Variants in ARHGAP31 observed in about 807,000 individuals in gnomAD.
The protein encoded by ARHGAP31 is rho GTPase-activating protein 31.
A neutral mutation model predicts 113.9 loss-of-function variants in ARHGAP31; 34 were observed. That is an observed-to-expected ratio of 0.30 (90% CI 0.23 to 0.40). The LOEUF (loss-of-function observed/expected upper bound fraction) is 0.40. Ranked by LOEUF, ARHGAP31 falls within the 10% of genes least tolerant of loss-of-function variation. The pLI is 1.00. For missense variants in ARHGAP31, 1,548 were observed against 1,767.1 expected (o/e 0.88, Z 2.22); for synonymous variants, 650 against 684.8 (o/e 0.95, Z 0.79).
chr3:119,399,121 T>A, intron 8 of ARHGAP31, 78 bp from the exon 9 acceptor site: 1 of 1,368,650 alleles, frequency 7.3e-7, no homozygotes, highest in East Asian at 2.3e-5. Flanking sequence ...TCTTGGGTAC[T>A]TAAACAGCCT....
Position 119,294,682 on chromosome 3 carries a change from C to T in ARHGAP31, c.-223C>T. 1 of 590,542 alleles carries T rather than the reference C, an allele frequency of 1.7e-6. No homozygotes were observed. The highest frequency in any genetic ancestry group is 2.0e-5 in the South Asian group (1 of 49,210). The allele number at this position is 590,542 out of a possible 1,614,324, so 36.6% of individuals were successfully genotyped here. ...GCCCGCGGCTGCCAGTCTGCACGGC[C>T]TCGGCACGGCGGCCCCGGAGCGGCG... On this transcript the variant is annotated 5_prime_UTR_variant, in exon 1 of 12. Transcript: ENST00000264245.
At chr3:119,362,306 G>A (rs2080214687) in intron 1 of ARHGAP31, among the ~76,000 whole-genome samples, 2 of 152,188 alleles carry the variant, frequency 1.3e-5, no homozygotes, top group Admixed American at 1.3e-4. Flanking sequence ...ACACCCTGAG[G>A]GCCAAGCACA....
At chr3:119,365,103 C>CA (rs2080242385) in intron 1 of ARHGAP31, among the ~76,000 whole-genome samples, 1 of 151,442 alleles carries the variant, frequency 6.6e-6, no homozygotes, top group African/African-American at 2.4e-5. Flanking sequence ...CAAAACAAAA[C>CA]AAAAAAACAA....
At chr3:119,381,432 A>G (rs540935497) in intron 4 of ARHGAP31, among the ~76,000 whole-genome samples, 2 of 152,096 alleles carry the variant, frequency 1.3e-5, no homozygotes, top group South Asian at 4.1e-4. Flanking sequence ...TCATTCTCAC[A>G]GTTTAGCCCC....
intron 1 of ARHGAP31, among the ~76,000 whole-genome samples, chr3:119,335,910 A>C (rs2079942027): frequency 6.6e-6 from 1 of 152,186 alleles, no homozygotes; most frequent in African/African-American, 2.4e-5. Flanking sequence ...CGGTAGCTCA[A>C]GCCTGTAATC....
At chr3:119,383,369 C>T in intron 6 of ARHGAP31, 143 bp downstream of exon 6, 3 of 1,097,872 alleles carry the variant, frequency 2.7e-6, no homozygotes, top group Non-Finnish European at 4.1e-6. Flanking sequence ...GTGTCAGTGT[C>T]TGAGGATCGT....
Position 119,295,002 on chromosome 3 carries a change from A to G in ARHGAP31, c.98A>G (p.Asp33Gly). The change falls in exon 1 of 12, where the codon GAT becomes GGT. Residue 33 changes from aspartate (D) to glycine (G), a missense_variant and splice_region_variant. Physicochemically the swap from Asp to Gly is moderately conservative, Grantham distance 94 (BLOSUM62 -1). Coordinates refer to ENST00000264245, the MANE Select transcript of ARHGAP31 (RefSeq NM_020754.4). ...GAGTATCTGGAAAGCTCGGGACAGG[A>G]TGGTAATGTGCCTTGGCCTTTCTCC... ...LTEYLESSGQ[D>G]VPYVLKSCAE... The G allele has an allele frequency of 6.2e-7, 1 of 1,614,070 alleles. No homozygotes were observed. Among genetic ancestry groups the G allele is most frequent in the Non-Finnish European group, 8.5e-7 (1 of 1,179,986 alleles).
chr3:119,336,332 T>G (rs1184467256), intron 1 of ARHGAP31, among the ~76,000 whole-genome samples: 1 of 152,214 alleles, frequency 6.6e-6, no homozygotes, highest in African/African-American at 2.4e-5. Flanking sequence ...AAGTCCCAAA[T>G]TAGACTTTTC....
intron 3 of ARHGAP31, among the ~76,000 whole-genome samples, chr3:119,378,148 C>T (rs1228667340): frequency 6.6e-6 from 1 of 152,196 alleles, no homozygotes; most frequent in Non-Finnish European, 1.5e-5. Flanking sequence ...CATTAGCCAT[C>T]TTGGCCTGGC....
intron 3 of ARHGAP31, among the ~76,000 whole-genome samples, chr3:119,376,096 A>G (rs1253176442): frequency 1.4e-5 from 2 of 147,966 alleles, no homozygotes; most frequent in Non-Finnish European, 3.0e-5. Context: ...TATTTTATTT[A>G]TTGTTGTGTT....
At chr3:119,305,402 A>G (rs2079622991) in intron 1 of ARHGAP31, among the ~76,000 whole-genome samples, 1 of 152,222 alleles carries the variant, frequency 6.6e-6, no homozygotes, top group South Asian at 2.1e-4. Flanking sequence ...TGTTACCATA[A>G]GTAGCCCCTT....
rs373025101 is a variant in ARHGAP31, at chr3:119,382,092, G to A, written c.432-200G>A. ...GTCCTCTGCTTACATCTGACAAAAT[G>A]GACCCCCTTCCCCACCCTGAGTCAA... On this transcript the variant is annotated intron_variant, in intron 4 of 11. Transcript: ENST00000264245. Among the ~76,000 whole-genome samples, 136 of 151,646 alleles carry A rather than the reference G, an allele frequency of 9.0e-4. 3 individuals are homozygous for A. The South Asian group carries it at 0.014, about 16-fold the overall frequency.
rs757553843 is a variant in ARHGAP31, at chr3:119,415,448, A to G, written c.3519A>G (p.Thr1173=). The part of the protein sequence containing the change: ...QDLDIVAHAL[T]GRRNSAPVSV... ...TGGACATTGTTGCTCATGCACTGAC[A>G]GGCCGCCGTAACTCAGCTCCTGTGA... is the stretch of plus-strand genomic sequence containing the variant. Residue 1173 remains threonine, a synonymous_variant, in exon 12 of 12, where the codon ACA becomes ACG. Transcript: ENST00000264245. The G allele has an allele frequency of 8.7e-6, 14 of 1,613,952 alleles. No homozygotes were observed. The African/African-American group carries it at 1.5e-4, about 17-fold the overall frequency.
rs763998234 is a variant in ARHGAP31 at position 119,414,355 on chromosome 3, C to T, written c.2426C>T (p.Ser809Leu). Residue 809 changes from serine (S) to leucine (L), a missense_variant, in exon 12 of 12, where the codon TCA becomes TTA. Ser to Leu is a moderately radical substitution (Grantham distance 145). Transcript: ENST00000264245. The part of the protein sequence containing the change: ...LSKGGPERED[S>L]SRKLRTDLYI... ...AAGGGCGGCCCGGAAAGAGAAGACT[C>T]ATCCAGGAAATTGAGGACAGATCTC... 7 of 1,614,172 alleles carry T rather than the reference C, an allele frequency of 4.3e-6. No individual in the cohort carries two copies. The East Asian group carries it at 1.3e-4, about 31-fold the overall frequency.
At chr3:119,354,287 C>A (rs1331281163) in intron 1 of ARHGAP31, among the ~76,000 whole-genome samples, 1 of 152,174 alleles carries the variant, frequency 6.6e-6, no homozygotes, top group Non-Finnish European at 1.5e-5. Context: ...ATTTCAGAAG[C>A]CCCTCCATCT....
chr3:119,402,285 A>G lies in ARHGAP31; in HGVS notation c.1533A>G (p.Thr511=), dbSNP rs77678258. Reference sequence around the variant, plus strand: ...GCACCAACAGCACGCCGTGCAGAACACCCCCGAAGGAGCTGCAGTCTCTTT... The same window carrying G: ...GCACCAACAGCACGCCGTGCAGAACGCCCCCGAAGGAGCTGCAGTCTCTTT... The part of the protein sequence containing the change: ...VISTNSTPCR[T]PPKELQSLSS... The change falls in exon 10 of 12, where the codon ACA becomes ACG. Residue 511 remains threonine (T), a synonymous_variant. Coordinates refer to ENST00000264245, the MANE Select transcript of ARHGAP31 (RefSeq NM_020754.4). 3.8e-3 allele frequency: 6,132 copies of G among 1,614,026 alleles called. 159 individuals are homozygous for G. In the African/African-American group the frequency reaches 0.065, roughly 17 times the overall value.
chr3:119,369,502 A>G (rs2080278244), intron 3 of ARHGAP31, among the ~76,000 whole-genome samples: 1 of 152,220 alleles, frequency 6.6e-6, no homozygotes, highest in Non-Finnish European at 1.5e-5. Context: ...AGATCTAGTC[A>G]CTAACAGTGG....
chr3:119,303,652 A>G (rs1445897879), intron 1 of ARHGAP31, among the ~76,000 whole-genome samples: 2 of 152,198 alleles, frequency 1.3e-5, no homozygotes, highest in Non-Finnish European at 2.9e-5. Context: ...TCTCGCTGTC[A>G]TAGACACTAG....
intron 1 of ARHGAP31, among the ~76,000 whole-genome samples, chr3:119,296,625 T>C (rs1176856067): frequency 6.6e-6 from 1 of 152,158 alleles, no homozygotes; most frequent in Non-Finnish European, 1.5e-5. Flanking sequence ...TGTTCGTTCT[T>C]ACAAACTAAT....
Sources: gnomAD v4.1 joint callset for allele counts (sites outside exome capture counted in the v4.1 genomes callset) on GRCh38, gnomAD v4.1.1 for gene constraint, MANE v1.5 for transcripts, NCBI Gene and HGNC (gene_info 2026-07-23, HGNC 2026-07-21) for gene names.